Variants in MGAM observed in about 807,000 individuals in gnomAD.
The protein encoded by MGAM is alpha-1,4-glucosidase.
A neutral mutation model predicts 358.8 loss-of-function variants in MGAM; 253 were observed. That is an observed-to-expected ratio of 0.71 (90% CI 0.64 to 0.78). The LOEUF (loss-of-function observed/expected upper bound fraction) is 0.78. Ranked by LOEUF, MGAM falls within the 30% of genes least tolerant of loss-of-function variation. The pLI, the probability that MGAM is intolerant of heterozygous loss-of-function variation, is 0.00. For missense variants in MGAM, 3,080 were observed against 3,432.6 expected, an observed-to-expected ratio of 0.90 and a Z score of 2.57; for synonymous variants, 1,105 against 1,227.1, an observed-to-expected ratio of 0.90 and a Z score of 2.08.
intron 21 of MGAM, among the ~76,000 whole-genome samples, chr7:142,044,313 A>G (rs1809655500): frequency 7.1e-6 from 1 of 140,206 alleles, no homozygotes; most frequent in African/African-American, 2.5e-5. Flanking sequence ...TATATAATAT[A>G]CACATACGAT....
intron 26 of MGAM, among the ~76,000 whole-genome samples, chr7:142,053,295 G>A (rs1159897538): frequency 7.2e-5 from 11 of 152,080 alleles, no homozygotes; most frequent in African/African-American, 2.2e-4. Context: ...TGGAATGCAG[G>A]TGGAGAACAG....
intron 21 of MGAM, among the ~76,000 whole-genome samples, chr7:142,044,928 A>G (rs1252336316): frequency 1.0e-5 from 1 of 96,168 alleles, no homozygotes; most frequent in Non-Finnish European, 2.0e-5. Flanking sequence ...ATACACGTGT[A>G]ATATATGATA....
intron 22 of MGAM, among the ~76,000 whole-genome samples, 163 bp from the exon 23 acceptor site, chr7:142,050,068 GAATA>G (rs1280956045): frequency 1.3e-5 from 2 of 152,108 alleles, no homozygotes; most frequent in Admixed American, 6.6e-5. Flanking sequence ...ATGAATGAAT[GAATA>G]AAGAAATGTG....
chr7:142,032,183 G>A (rs558859755), intron 13 of MGAM, among the ~76,000 whole-genome samples: 364 of 152,058 alleles, frequency 2.4e-3, no homozygotes, highest in Middle Eastern at 0.014. Context: ...CAGAGCCAAA[G>A]TACTCAGGTG....
chr7:142,001,031 A>G (rs1323280785), intron 1 of MGAM, among the ~76,000 whole-genome samples: 1 of 152,230 alleles, frequency 6.6e-6, no homozygotes, highest in African/African-American at 2.4e-5. Context: ...TTATCAGTGA[A>G]CATAAGATTA....
In MGAM at chr7:142,083,613, G is replaced by A. The variant is rs1213657081; in HGVS notation, c.6381+200G>A. On this transcript the variant is annotated intron_variant, in intron 53 of 70. Coordinates refer to ENST00000475668, the MANE Select transcript of MGAM (RefSeq NM_001365693.1). ...CTGTAAGCATTGCAGAATAGCAGAA[G>A]TTACAGTGGTACTAGTGGTGGTGAT... Among the ~76,000 whole-genome samples, 2 of 146,522 alleles carry A rather than the reference G, an allele frequency of 1.4e-5. 1 individual carries two copies. The highest frequency in any genetic ancestry group is 3.1e-5 in the Non-Finnish European group (2 of 64,742).
rs34857144 is a variant in MGAM, at chr7:142,040,720, AG to A, written c.2376del. Reference sequence around the variant, plus strand: ...TGTGTTTGATTTATCTGCATGCATCAGGGGAGCCAAGTGAGATGGAGGAAGC... The same window carrying A: ...TGTGTTTGATTTATCTGCATGCATCAGGGAGCCAAGTGAGATGGAGGAAGC... On this transcript the variant is annotated splice_acceptor_variant, in intron 20 of 70. Coordinates refer to ENST00000475668, the MANE Select transcript of MGAM (RefSeq NM_001365693.1). LOFTEE classifies it high-confidence loss of function. 2 of 1,612,936 alleles carry A rather than the reference AG, an allele frequency of 1.2e-6. No individual in the cohort carries two copies. The highest frequency in any genetic ancestry group is 2.2e-5 in the South Asian group (2 of 90,922).
At chr7:142,037,799 G>T (rs11767883) in intron 18 of MGAM, among the ~76,000 whole-genome samples, 22,440 of 151,920 alleles carry the variant, frequency 0.15, 1,963 homozygotes, top group Middle Eastern at 0.28. Context: ...ATATTTATGG[G>T]GTATATGAGA....
At chr7:142,014,545 A>T (rs1805821994) in intron 3 of MGAM, among the ~76,000 whole-genome samples, 1 of 152,148 alleles carries the variant, frequency 6.6e-6, no homozygotes, top group South Asian at 2.1e-4. Flanking sequence ...CCAGCTTAAG[A>T]AATAAAATAT....
intron 21 of MGAM, among the ~76,000 whole-genome samples, chr7:142,042,539 T>C (rs867113174): frequency 6.5e-5 from 1 of 15,484 alleles, no homozygotes; most frequent in Middle Eastern, 0.062. Flanking sequence ...ATATATATAA[T>C]ATATATTATA....
At chr7:142,009,635 A>G (rs1420119892) in intron 3 of MGAM, among the ~76,000 whole-genome samples, 1 of 152,178 alleles carries the variant, frequency 6.6e-6, no homozygotes, top group Non-Finnish European at 1.5e-5. Flanking sequence ...ATCAAGATTG[A>G]AGTTCAATAA....
At chr7:142,048,125 T>C (rs1360166892) in intron 22 of MGAM, among the ~76,000 whole-genome samples, 1 of 31,064 alleles carries the variant, frequency 3.2e-5, no homozygotes, top group Non-Finnish European at 1.0e-4. Flanking sequence ...TTTTATTTAT[T>C]TATTTATTTA....
At chr7:142,068,916 G>A (rs1019797409) in intron 43 of MGAM, among the ~76,000 whole-genome samples, 3 of 146,164 alleles carry the variant, frequency 2.1e-5, no homozygotes, top group African/African-American at 7.3e-5. Flanking sequence ...AACACATAAA[G>A]CATCTCACTC....
intron 24 of MGAM, among the ~76,000 whole-genome samples, chr7:142,051,721 C>G (rs1342388765): frequency 6.6e-6 from 1 of 151,808 alleles, no homozygotes; most frequent in African/African-American, 2.4e-5. Flanking sequence ...CCTGACTTAC[C>G]CTGATGTGAT....
At chr7:141,988,155 G>A (rs1472460582) in intron 2 of MGAM, among the ~76,000 whole-genome samples, 3 of 151,992 alleles carry the variant, frequency 2.0e-5, no homozygotes, top group Non-Finnish European at 4.4e-5. Flanking sequence ...GGGCGTGGTG[G>A]TGCATGCCTG....
Position 141,988,563 on chromosome 7 carries a change from C to T in MGAM, c.-2-16966C>T, listed in dbSNP as rs532871931. Among the ~76,000 whole-genome samples, 12 of 152,180 alleles carry T rather than the reference C, an allele frequency of 7.9e-5. No homozygotes were observed. In the East Asian group the frequency reaches 2.1e-3, roughly 27 times the overall value. On this transcript the variant is annotated intron_variant, in intron 2 of 5. Coordinates refer to the MGAM transcript ENST00000465654. ...TATCTTTAGTAGAGACGGGGTTTCA[C>T]CATGTTGACCAGGCTGGTCTCGAAC... is the stretch of plus-strand genomic sequence containing the variant.
rs1808044861 is a variant in MGAM at position 142,036,927 on chromosome 7, C to T, written c.2181C>T (p.Phe727=). The part of the protein sequence containing the change: ...YTLLPYLYTL[F]FRAHSRGDTV... Reference sequence around the variant, plus strand: ...TATTGCCCTACCTATACACCCTCTTCTTCCGTGCTCACAGCCGAGGGGACA... The same window carrying T: ...TATTGCCCTACCTATACACCCTCTTTTTCCGTGCTCACAGCCGAGGGGACA... The change falls in exon 18 of 71, where the codon TTC becomes TTT. Residue 727 remains phenylalanine, a synonymous_variant. Coordinates refer to ENST00000475668, the MANE Select transcript of MGAM (RefSeq NM_001365693.1). 1 of 1,613,788 alleles carries T rather than the reference C, an allele frequency of 6.2e-7. No homozygotes were observed. Among genetic ancestry groups the T allele is most frequent in the Admixed American group, 1.7e-5 (1 of 60,012 alleles).
At chr7:142,051,646 TG>T (rs1294941557) in intron 24 of MGAM, among the ~76,000 whole-genome samples, 4 of 152,140 alleles carry the variant, frequency 2.6e-5, no homozygotes, top group Admixed American at 2.6e-4. Context: ...AGAAATATAA[TG>T]TTTTTTTCAA....
At position 142,084,662 on chromosome 7, in the gene MGAM, G is replaced by A. The variant is rs1246259928; in HGVS notation, c.6507+18G>A. 2.6e-6 allele frequency: 4 copies of A among 1,548,898 alleles called. No homozygotes were observed. In the African/African-American group the frequency reaches 4.0e-5, roughly 16 times the overall value. ...TCCCTTATGTACGTTCTCAGTCATG[G>A]CTCTGGAGTTTGAAAACTAACCCAG... is the stretch of plus-strand genomic sequence containing the variant. On this transcript the variant is annotated intron_variant, in intron 54 of 70. Transcript: ENST00000475668.
Sources: gnomAD v4.1 joint callset for allele counts (sites outside exome capture counted in the v4.1 genomes callset) on GRCh38, gnomAD v4.1.1 for gene constraint, MANE v1.5 for transcripts, NCBI Gene and HGNC (gene_info 2026-07-23, HGNC 2026-07-21) for gene names.